Variants in ZMAT4 observed in about 807,000 individuals in gnomAD.
ZMAT4 encodes zinc finger matrin-type 4.
ZMAT4 carries 17 observed loss-of-function variants against 28.7 expected under a neutral mutation model. The observed-to-expected ratio is 0.59, with a 90% CI of 0.41 to 0.89. ZMAT4 has a LOEUF of 0.89. ZMAT4 is among the 40% of genes least tolerant of loss of function. The probability of loss-of-function intolerance (pLI) is 0.00; values close to 1 mark genes in which losing one functional copy is unlikely to be tolerated. For synonymous variants in ZMAT4, 117 were observed against 109.2 expected (o/e 1.07, Z -0.44); for missense variants, 240 against 283.8 (o/e 0.85, Z 1.11).
chr8:40,574,034 T>C (rs770152178), intron 6 of ZMAT4, among the ~76,000 whole-genome samples: 15 of 152,236 alleles, frequency 9.9e-5, no homozygotes, highest in Admixed American at 6.5e-5. Context: ...TGAATACTTA[T>C]GTTTATTTAA....
intron 6 of ZMAT4, among the ~76,000 whole-genome samples, chr8:40,553,354 C>T (rs74956926): frequency 6.6e-6 from 1 of 152,268 alleles, no homozygotes; most frequent in East Asian, 1.9e-4. Context: ...ATTTCTTATA[C>T]AGCCCTGGAT....
At chr8:40,649,153 C>T (rs1807503340) in intron 5 of ZMAT4, among the ~76,000 whole-genome samples, 1 of 151,966 alleles carries the variant, frequency 6.6e-6, no homozygotes, top group African/African-American at 2.4e-5. Flanking sequence ...AGTCAAGACC[C>T]ATCAGTGTGC....
At chr8:40,554,402 GTACT>G (rs779344383) in intron 6 of ZMAT4, among the ~76,000 whole-genome samples, 15 of 151,808 alleles carry the variant, frequency 9.9e-5, no homozygotes, top group Non-Finnish European at 1.8e-4. Context: ...AATTAACTAA[GTACT>G]TAATTAACTA....
chr8:40,636,325 C>T (rs959267524), intron 5 of ZMAT4, among the ~76,000 whole-genome samples: 1 of 152,198 alleles, frequency 6.6e-6, no homozygotes, highest in South Asian at 2.1e-4. Flanking sequence ...TGAAGTATGG[C>T]GCACAAAAGC....
In ZMAT4 at chr8:40,601,401, AAAGAAAGGAAGGAAGG is replaced by A. The variant is rs772100417; in HGVS notation, c.578-20156_578-20141del. Among the ~76,000 whole-genome samples, 269 of 31,566 alleles carry A rather than the reference AAAGAAAGGAAGGAAGG, an allele frequency of 8.5e-3. 46 individuals carry two copies. The highest frequency in any genetic ancestry group is 0.027 in the East Asian group (21 of 788). The allele number at this position is 31,566 out of a possible 152,430, so 20.7% of individuals were successfully genotyped here. A position where few individuals can be genotyped will look rare whatever the true frequency, so the allele number is the denominator to read the frequency against. ...CAAAAGAAGGAAGGAAGGAAGGAGG[AAAGAAAGGAAGGAAGG>A]AAGGAAGGAAGGAAGGAAGGAAGGA... On this transcript the variant is annotated intron_variant, in intron 5 of 6. Coordinates refer to ENST00000297737, the MANE Select transcript of ZMAT4 (RefSeq NM_024645.3).
At chr8:40,873,040 A>C (rs1291911824) in intron 1 of ZMAT4, among the ~76,000 whole-genome samples, 2 of 152,024 alleles carry the variant, frequency 1.3e-5, no homozygotes, top group African/African-American at 4.8e-5. Flanking sequence ...AAGCCCCAAG[A>C]GGTTAAAAAA....
At chr8:40,746,642 A>G (rs1812250625) in intron 3 of ZMAT4, among the ~76,000 whole-genome samples, 1 of 152,084 alleles carries the variant, frequency 6.6e-6, no homozygotes, top group Non-Finnish European at 1.5e-5. Flanking sequence ...GGCATGAGCC[A>G]CCATGCCCGG....
intron 3 of ZMAT4, among the ~76,000 whole-genome samples, chr8:40,746,755 T>C (rs576353565): frequency 6.6e-6 from 1 of 152,326 alleles, no homozygotes; most frequent in South Asian, 2.1e-4. Context: ...ATGGTCTGGC[T>C]CCTACCATAT....
intron 2 of ZMAT4, among the ~76,000 whole-genome samples, chr8:40,773,494 G>A (rs1813467660): frequency 7.4e-6 from 1 of 134,904 alleles, no homozygotes. Context: ...CTCTGCCAAA[G>A]ATTGGTGGCA....
At chr8:40,864,747 A>G (rs572014656) in intron 1 of ZMAT4, among the ~76,000 whole-genome samples, 3 of 152,354 alleles carry the variant, frequency 2.0e-5, no homozygotes, top group Admixed American at 6.5e-5. Flanking sequence ...CAGCAAAAAC[A>G]TAGAGAGAGC....
At chr8:40,809,417 C>A (rs1269761749) in intron 2 of ZMAT4, among the ~76,000 whole-genome samples, 2 of 152,130 alleles carry the variant, frequency 1.3e-5, no homozygotes, top group Non-Finnish European at 2.9e-5. Context: ...ACCACAGTAT[C>A]ATGCAATATA....
At chr8:40,750,237 C>A (rs1812401409) in intron 3 of ZMAT4, among the ~76,000 whole-genome samples, 1 of 151,942 alleles carries the variant, frequency 6.6e-6, no homozygotes, top group Non-Finnish European at 1.5e-5. Context: ...ATACATGAAC[C>A]TAAACAAAGC....
chr8:40,845,157 A>G lies in ZMAT4; in HGVS notation c.-4-19477T>C, dbSNP rs138585736. 2.0e-4 allele frequency among the ~76,000 whole-genome samples: 30 copies of G among 152,232 alleles called. No homozygotes were observed. The East Asian group carries it at 5.4e-3, about 27-fold the overall frequency. On this transcript the variant is annotated intron_variant, in intron 1 of 6. Coordinates refer to ENST00000297737, the MANE Select transcript of ZMAT4 (RefSeq NM_024645.3). ...TCGCATCTACAGCTCTTACAACTTC[A>G]CCTTTCAGTGAGCTCAGTTCCTCCA...
intron 6 of ZMAT4, among the ~76,000 whole-genome samples, chr8:40,537,767 T>A (rs1244826790): frequency 2.0e-5 from 3 of 152,182 alleles, no homozygotes; most frequent in Non-Finnish European, 4.4e-5. Flanking sequence ...AGGTCGAACA[T>A]CATCATTTTA....
At chr8:40,631,916 A>G (rs1227767088) in intron 5 of ZMAT4, among the ~76,000 whole-genome samples, 1 of 152,186 alleles carries the variant, frequency 6.6e-6, no homozygotes, top group Non-Finnish European at 1.5e-5. Flanking sequence ...TCAAATACTC[A>G]GACGAAACCT....
intron 3 of ZMAT4, among the ~76,000 whole-genome samples, chr8:40,735,210 C>T (rs776856756): frequency 1.3e-5 from 2 of 152,184 alleles, no homozygotes; most frequent in Non-Finnish European, 2.9e-5. Context: ...GGTGGTAATA[C>T]ATCTGCAAAG....
intron 6 of ZMAT4, among the ~76,000 whole-genome samples, chr8:40,561,708 C>T (rs1347139779): frequency 6.6e-6 from 1 of 152,180 alleles, no homozygotes; most frequent in African/African-American, 2.4e-5. Context: ...CTGCATGCGG[C>T]TCAGGATGGC....
chr8:40,852,891 T>A (rs147615433), intron 1 of ZMAT4, among the ~76,000 whole-genome samples: 9 of 152,322 alleles, frequency 5.9e-5, no homozygotes, highest in African/African-American at 2.2e-4. Context: ...TTCATCATGA[T>A]GGAATTTTCC....
chr8:40,813,998 G>A (rs569703931), intron 2 of ZMAT4, among the ~76,000 whole-genome samples: 11 of 152,336 alleles, frequency 7.2e-5, no homozygotes, highest in Admixed American at 2.0e-4. Context: ...AGAGGTCGGG[G>A]AGCAGGGGGC....
Sources: gnomAD v4.1 joint callset for allele counts (sites outside exome capture counted in the v4.1 genomes callset) on GRCh38, gnomAD v4.1.1 for gene constraint, MANE v1.5 for transcripts, NCBI Gene and HGNC (gene_info 2026-07-23, HGNC 2026-07-21) for gene names.